The following POU2F2 variants were observed in gnomAD, a reference collection of about 807,000 sequenced individuals.
POU2F2 encodes POU domain, class 2, transcription factor 2.
In POU2F2, 14 loss-of-function variants were observed where a neutral mutation model predicts 63.5. The observed-to-expected ratio is 0.22, with a 90% confidence interval of 0.15 to 0.34. POU2F2 has a LOEUF of 0.34. Among genes scored for constraint, POU2F2 ranks in the 10% least tolerant of loss-of-function variants. POU2F2 has a pLI of 1.00. For missense variants in POU2F2, 607 were observed against 815.2 expected (o/e 0.74, Z 3.11); for synonymous variants, 306 against 348.6 (o/e 0.88, Z 1.36).
At chr19:42,144,997 T>C (rs1267769175) in intron 2 of POU2F2, among the ~76,000 whole-genome samples, 1 of 152,232 alleles carries the variant, frequency 6.6e-6, no homozygotes, top group African/African-American at 2.4e-5. Context: ...GGTAGTTAAG[T>C]CCCAGCTGTG....
rs555150584 is a variant in POU2F2 at position 42,116,876 on chromosome 19, A to AGGC, written c.369+371_369+373dup. On this transcript the variant is annotated intron_variant, in intron 5 of 14. Transcript: ENST00000692977. Reference sequence around the variant, plus strand: ...GAGGAGGAAGTAGAGGAGGAGGCGGAGGCGGCGGCGGCGGCGGCAGCGGCG... The same window carrying AGGC: ...GAGGAGGAAGTAGAGGAGGAGGCGGAGGCGGCGGCGGCGGCGGCGGCAGCGGCG... 2.3e-3 allele frequency: 1,044 copies of AGGC among 449,270 alleles called. 10 individuals are homozygous for AGGC. The highest frequency in any genetic ancestry group is 0.019 in the African/African-American group (915 of 49,342). The allele number at this position is 449,270 out of a possible 1,614,324, so 27.8% of individuals were successfully genotyped here. A position where few individuals can be genotyped will look rare whatever the true frequency, so the allele number is the denominator to read the frequency against.
chr19:42,143,832 C>T (rs1389071344), intron 2 of POU2F2, among the ~76,000 whole-genome samples: 1 of 152,202 alleles, frequency 6.6e-6, no homozygotes, highest in East Asian at 1.9e-4. Flanking sequence ...CAGAATTACA[C>T]TTAAACACCC....
chr19:42,180,112 C>T (rs76753486), upstream of POU2F2, among the ~76,000 whole-genome samples: 10,695 of 152,056 alleles, frequency 0.07, 539 homozygotes, highest in Middle Eastern at 0.17. Context: ...ATAGTGGACA[C>T]GGAACCACCC....
upstream of POU2F2, among the ~76,000 whole-genome samples, chr19:42,176,867 C>T (rs968730761): frequency 2.0e-5 from 3 of 151,578 alleles, no homozygotes; most frequent in Admixed American, 6.6e-5. Context: ...GGCTCCCGCC[C>T]GGCTCCCGCC....
At chr19:42,164,445 C>T (rs559956002) in intron 1 of POU2F2, among the ~76,000 whole-genome samples, 2 of 152,106 alleles carry the variant, frequency 1.3e-5, no homozygotes, top group East Asian at 3.9e-4. Flanking sequence ...GCAGCAGACA[C>T]CTGTAATCCC....
intron 1 of POU2F2, among the ~76,000 whole-genome samples, chr19:42,128,855 C>T (rs2033439762): frequency 6.7e-6 from 1 of 150,226 alleles, no homozygotes; most frequent in Non-Finnish European, 1.5e-5. Context: ...TTTTTTTAGA[C>T]AGAGTCTCAC....
At position 42,095,599 on chromosome 19, in the gene POU2F2, C is replaced by CT; in HGVS notation, c.965dup (p.Arg323GlufsTer205). On this transcript the variant is annotated frameshift_variant, in exon 10 of 15. Transcript: ENST00000692977. LOFTEE classifies it high-confidence loss of function. This position sits in a 1 kb window ranked among gnomAD's most constrained non-coding sequence, Gnocchi z 7.1. ...GGACGTTTGTCTCGATGCTGGTCCT[C>CT]TTCTTGCGTCTCCGGCCGGGCAGGC... 1 of 1,613,056 alleles carries CT rather than the reference C, an allele frequency of 6.2e-7. No individual in the cohort carries two copies. Among genetic ancestry groups the CT allele is most frequent in the Non-Finnish European group, 8.5e-7 (1 of 1,179,760 alleles).
At chr19:42,131,732 A>G (rs2033752938) in intron 1 of POU2F2, among the ~76,000 whole-genome samples, 1 of 152,210 alleles carries the variant, frequency 6.6e-6, no homozygotes, top group African/African-American at 2.4e-5. Flanking sequence ...CCGTGAAGAA[A>G]AGATAAAGCA....
chr19:42,141,473 C>CTTTTTTTTTTTTTT (rs58221767), intron 2 of POU2F2, among the ~76,000 whole-genome samples: 1 of 98,976 alleles, frequency 1.0e-5, no homozygotes. Context: ...CTTAATTAAT[C>CTTTTTTTTTTTTTT]TTTTTTTTTT....
Position 42,091,320 on chromosome 19 carries a change from G to C in POU2F2, c.1812C>G (p.Ser604Arg). The change falls in exon 15 of 15, where the codon AGC (serine) becomes AGG (arginine). Residue 604 changes from serine to arginine, a missense_variant. Around this residue, in one of 7 missense-constraint regions of POU2F2, gnomAD observed 270 missense variants for 307.5 expected, o/e 0.88. Transcript: ENST00000692977. ...SSSSSSSSTC[S>R]ETAAQTPGGP... ...CTCCAGGGGTCTGTGCTGCCGTCTC[G>C]CTGCAAGTGGAGGAGGAGGAGGATG... The C allele has an allele frequency of 6.5e-7, 1 of 1,534,928 alleles. No homozygotes were observed. The highest frequency in any genetic ancestry group is 8.7e-7 in the Non-Finnish European group (1 of 1,146,776).
At chr19:42,113,048 A>G (rs541858336) in intron 5 of POU2F2, among the ~76,000 whole-genome samples, 1 of 152,072 alleles carries the variant, frequency 6.6e-6, no homozygotes, top group South Asian at 2.1e-4. Flanking sequence ...CCTCAGACAC[A>G]CATCACATTT....
At chr19:42,139,188 C>T (rs765560612) in intron 2 of POU2F2, among the ~76,000 whole-genome samples, 5 of 152,172 alleles carry the variant, frequency 3.3e-5, no homozygotes, top group African/African-American at 4.8e-5. Flanking sequence ...GGCATGGTGG[C>T]GCACGCCTGT....
In POU2F2 at chr19:42,087,029, G is replaced by C. The variant is rs1329485718; in HGVS notation, c.*4228C>G. 6.6e-6 allele frequency: 1 copy of C among 151,758 alleles called. No homozygotes were observed. The highest frequency in any genetic ancestry group is 1.5e-5 in the Non-Finnish European group (1 of 67,938). 9.4% of individuals were successfully genotyped at this position (151,758 alleles called of 1,614,324 possible). On this transcript the variant is annotated 3_prime_UTR_variant, in exon 15 of 15. Coordinates refer to ENST00000692977, the MANE Select transcript of POU2F2 (RefSeq NM_001394376.1). ...GACTGCTGAGGTCAAAGTTTAAACCGCATGAAGGACTTGCGGCTTGGAGTT... is the reference window on the plus strand; with the variant it reads ...GACTGCTGAGGTCAAAGTTTAAACCCCATGAAGGACTTGCGGCTTGGAGTT...
intron 1 of POU2F2, among the ~76,000 whole-genome samples, chr19:42,186,196 G>A (rs995827667): frequency 2.6e-5 from 4 of 152,126 alleles, no homozygotes; most frequent in African/African-American, 4.8e-5. Flanking sequence ...GTGGTGGCGG[G>A]CGTCTGTAGT....
At chr19:42,159,357 T>G (rs541774325) in intron 2 of POU2F2, among the ~76,000 whole-genome samples, 2 of 152,284 alleles carry the variant, frequency 1.3e-5, no homozygotes, top group East Asian at 1.9e-4. Context: ...TTGCAAACCC[T>G]GGGCTACAGC....
chr19:42,160,407 G>A (rs2034530445), intron 1 of POU2F2: 1 of 152,268 alleles, frequency 6.6e-6, no homozygotes, highest in South Asian at 2.1e-4. Context: ...AGAGAGAGGA[G>A]AATGCAGTCA....
chr19:42,197,696 G>A (rs2035167807), upstream of POU2F2, among the ~76,000 whole-genome samples: 1 of 152,218 alleles, frequency 6.6e-6, no homozygotes, highest in South Asian at 2.1e-4. Flanking sequence ...AGGAGGAAGT[G>A]TTTGGCCTCA....
chr19:42,182,983 G>C (rs2034978910), intron 1 of POU2F2, among the ~76,000 whole-genome samples: 1 of 152,142 alleles, frequency 6.6e-6, no homozygotes, highest in African/African-American at 2.4e-5. Flanking sequence ...AGAAGTGAGG[G>C]CCTGCTGAGC....
At chr19:42,197,004 G>A (rs948099287), upstream of POU2F2, among the ~76,000 whole-genome samples, 1 of 152,182 alleles carries the variant, frequency 6.6e-6, no homozygotes, top group Non-Finnish European at 1.5e-5. Context: ...GGTGGGACCC[G>A]TATTCAAATG....
Sources: gnomAD v4.1 joint callset for allele counts (sites outside exome capture counted in the v4.1 genomes callset) on GRCh38, gnomAD v4.1.1 for gene constraint, gnomAD v4.1.1 regional missense constraint, Gnocchi (gnomAD v3.1) non-coding constraint, MANE v1.5 for transcripts, NCBI Gene and HGNC (gene_info 2026-07-23, HGNC 2026-07-21) for gene names.